BEGAIN: variants seen among roughly 807,000 people sequenced by gnomAD.
BEGAIN encodes brain enriched guanylate kinase associated.
In BEGAIN, 19 loss-of-function variants were observed where a neutral mutation model predicts 35.8. The observed-to-expected ratio is 0.53, with a 90% confidence interval of 0.37 to 0.78. BEGAIN has a LOEUF of 0.78. Ranked by LOEUF, BEGAIN falls within the 30% of genes least tolerant of loss-of-function variation. The pLI is 0.00. For missense variants in BEGAIN, 795 were observed against 853.6 expected (o/e 0.93, Z 0.85); for synonymous variants, 462 against 388.6 (o/e 1.19, Z -2.22).
At chr14:100,542,800 G>A (rs541083881) in intron 5 of BEGAIN, among the ~76,000 whole-genome samples, 17 of 152,252 alleles carry the variant, frequency 1.1e-4, no homozygotes, top group East Asian at 3.9e-4. Context: ...TCCTGTCCTC[G>A]TCCCTACAGC....
In BEGAIN at chr14:100,540,722, C is replaced by T. The variant is rs7146140; in HGVS notation, c.409-143G>A. The T allele has an allele frequency of 6.7e-4, 419 of 624,938 alleles. 4 individuals are homozygous for T. Among genetic ancestry groups the T allele is most frequent in the African/African-American group, 6.5e-3 (357 of 54,648 alleles). 38.7% of individuals were successfully genotyped at this position (624,938 alleles called of 1,614,324 possible). A position where few individuals can be genotyped will look rare whatever the true frequency, so the allele number is the denominator to read the frequency against. ...CAGGACAAGGACCCACTGCTGGCTCCGGCCCTCTCTGGCCTCCACACTCTT... is the reference window on the plus strand; with the variant it reads ...CAGGACAAGGACCCACTGCTGGCTCTGGCCCTCTCTGGCCTCCACACTCTT... On this transcript the variant is annotated intron_variant, in intron 5 of 6. Coordinates refer to ENST00000554140, the MANE Select transcript of BEGAIN (RefSeq NM_001385089.1).
At chr14:100,575,956 G>A (rs2035193136) in intron 1 of BEGAIN, among the ~76,000 whole-genome samples, 1 of 152,146 alleles carries the variant, frequency 6.6e-6, no homozygotes, top group South Asian at 2.1e-4. Context: ...CGTGGTAAGT[G>A]GAGCCAAGAG....
Position 100,538,619 on chromosome 14 carries a change from C to CGGCCGG in BEGAIN, c.1183_1188dup (p.Pro395_Ala396dup), listed in dbSNP as rs746600322. 1.4e-4 allele frequency: 224 copies of CGGCCGG among 1,547,906 alleles called. No homozygotes were observed. The highest frequency in any genetic ancestry group is 1.8e-4 in the Non-Finnish European group (210 of 1,145,542). On this transcript the variant is annotated inframe_insertion, in exon 7 of 7. Transcript: ENST00000554140. ...GGAGAGGCCGGGAAGCGGAAGGTCT[C>CGGCCGG]GGCCGGGTACGGTGACATGGTCCGC...
At chr14:100,578,314 C>T (rs956097443) in intron 1 of BEGAIN, among the ~76,000 whole-genome samples, 21 of 152,352 alleles carry the variant, frequency 1.4e-4, no homozygotes, top group African/African-American at 3.6e-4. Flanking sequence ...CTGCCAGGTG[C>T]GGTGCAGGGT....
At position 100,555,443 on chromosome 14, in the gene BEGAIN, G is replaced by A. The variant is rs371947026; in HGVS notation, c.72-8781C>T. ...CTGTCCTTTGTGTGGCCTGGAAGCC[G>A]ACAGCAGACCACTTCCAACAGAAGG... is the stretch of plus-strand genomic sequence containing the variant. On this transcript the variant is annotated intron_variant, in intron 2 of 6. Transcript: ENST00000554140. Among the ~76,000 whole-genome samples, 80 of 152,336 alleles carry A rather than the reference G, an allele frequency of 5.3e-4. 1 individual carries two copies. Among genetic ancestry groups the A allele is most frequent in the Admixed American group, 1.8e-3 (27 of 15,306 alleles).
intron 2 of BEGAIN, among the ~76,000 whole-genome samples, chr14:100,557,434 G>A (rs2033853239): frequency 6.6e-6 from 1 of 152,202 alleles, no homozygotes; most frequent in Non-Finnish European, 1.5e-5. Flanking sequence ...TGTGATGCCC[G>A]ATGTGCTCCA....
intron 1 of BEGAIN, among the ~76,000 whole-genome samples, chr14:100,571,224 C>G (rs1183496960): frequency 6.6e-6 from 1 of 152,222 alleles, no homozygotes; most frequent in Non-Finnish European, 1.5e-5. Flanking sequence ...CCACCTTTAT[C>G]TTCTGACCCC....
intron 4 of BEGAIN, 33 bp downstream of exon 4, chr14:100,544,967 G>T (rs777278140): frequency 1.2e-6 from 2 of 1,601,732 alleles, no homozygotes; most frequent in Non-Finnish European, 1.7e-6. Flanking sequence ...GGAGGTGTGG[G>T]GTGGGGGAGT....
At position 100,543,982 on chromosome 14, in the gene BEGAIN, GGGA is replaced by G. The variant is rs767436637; in HGVS notation, c.301-20_301-18del. 1 of 1,586,160 alleles carries G rather than the reference GGGA, an allele frequency of 6.3e-7. No individual in the cohort carries two copies. The highest frequency in any genetic ancestry group is 1.1e-5 in the South Asian group (1 of 87,986). ...GTGCTGGCCCTGGGGGTGGGACAGT[GGGA>G]GGAGGAGGCCCGTGGTTGGCTCCTG... On this transcript the variant is annotated intron_variant, in intron 4 of 6. Coordinates refer to ENST00000554140, the MANE Select transcript of BEGAIN (RefSeq NM_001385089.1).
intron 1 of BEGAIN, among the ~76,000 whole-genome samples, chr14:100,576,841 G>A (rs1041486524): frequency 1.3e-5 from 2 of 152,166 alleles, no homozygotes; most frequent in Admixed American, 6.5e-5. Flanking sequence ...GTGTGGACGG[G>A]GTACGAGGAA....
chr14:100,544,756 C>T (rs2032141775), intron 4 of BEGAIN, among the ~76,000 whole-genome samples: 3 of 152,166 alleles, frequency 2.0e-5, no homozygotes, highest in Non-Finnish European at 4.4e-5. Context: ...CGTCCACAGC[C>T]CCTCTTACAC....
chr14:100,548,459 G>C (rs1302889326), intron 2 of BEGAIN: 2 of 152,410 alleles, frequency 1.3e-5, no homozygotes, highest in Admixed American at 6.5e-5. Context: ...AGGTGAGGGC[G>C]TCATCCATCC....
intron 4 of BEGAIN, among the ~76,000 whole-genome samples, chr14:100,544,549 G>C (rs2032104418): frequency 6.6e-6 from 1 of 152,186 alleles, no homozygotes; most frequent in African/African-American, 2.4e-5. Flanking sequence ...TGTTCACAGA[G>C]AAAATGGCGA....
In BEGAIN at chr14:100,538,445, C is replaced by T; in HGVS notation, c.1363G>A (p.Ala455Thr). Reference protein sequence around the residue: ...IGAYSYPVSAAGRASPCSFSE... With the variant: ...IGAYSYPVSATGRASPCSFSE... ...AAGCTGCAGGGTGAGGCGCGGCCGGCAGCGCTCACGGGGTAGGAGTAGGCG... is the reference window on the plus strand; with the variant it reads ...AAGCTGCAGGGTGAGGCGCGGCCGGTAGCGCTCACGGGGTAGGAGTAGGCG... The change falls in exon 7 of 7, where the codon GCC (alanine) becomes ACC (threonine). Residue 455 changes from alanine (A) to threonine (T), a missense_variant. By Grantham distance (58) the Ala-to-Thr change is moderately conservative. Around this residue, in one of 3 missense-constraint regions of BEGAIN, gnomAD observed 664 missense variants for 647.7 expected, o/e 1.03. Transcript: ENST00000554140. 1 of 1,588,930 alleles carries T rather than the reference C, an allele frequency of 6.3e-7. No homozygotes were observed. The highest frequency in any genetic ancestry group is 8.5e-7 in the Non-Finnish European group (1 of 1,169,656).
chr14:100,543,831 C>G, intron 5 of BEGAIN, 27 bp downstream of exon 5: 1 of 1,587,500 alleles, frequency 6.3e-7, no homozygotes, highest in Non-Finnish European at 8.6e-7. Flanking sequence ...GGCAGTCTTC[C>G]ATGGGCCAAG....
chr14:100,585,631 G>T (rs2035428540), intron 1 of BEGAIN, among the ~76,000 whole-genome samples: 2 of 151,816 alleles, frequency 1.3e-5, no homozygotes, highest in Admixed American at 1.3e-4. Context: ...AGTCTTGGGA[G>T]AGTGGATGGA....
Position 100,577,648 on chromosome 14 carries a change from C to A in BEGAIN, c.42+9601G>T, listed in dbSNP as rs375782645. The stretch of plus-strand genomic sequence containing the variant: ...GAAGGGCAGTCTGGCCTCCCGCCAG[C>A]GGCCCAGGCGTGCGAGGGAGCCAGT... On this transcript the variant is annotated intron_variant, in intron 1 of 6. Coordinates refer to ENST00000554140, the MANE Select transcript of BEGAIN (RefSeq NM_001385089.1). 4 of 398,978 alleles carry A rather than the reference C, an allele frequency of 1.0e-5. No individual in the cohort carries two copies. The East Asian group carries it at 1.4e-4, about 14-fold the overall frequency. The allele number at this position is 398,978 out of a possible 1,614,324, so 24.7% of individuals were successfully genotyped here.
intron 2 of BEGAIN, among the ~76,000 whole-genome samples, chr14:100,557,290 C>T (rs975775897): frequency 1.3e-4 from 20 of 152,250 alleles, no homozygotes; most frequent in African/African-American, 4.8e-4. Flanking sequence ...GGCATCGGGG[C>T]AGGGAATGTG....
chr14:100,576,057 T>C (rs886076268), intron 1 of BEGAIN, among the ~76,000 whole-genome samples: 2 of 152,106 alleles, frequency 1.3e-5, no homozygotes, highest in African/African-American at 4.8e-5. Flanking sequence ...TGACTGACTT[T>C]TCACTGCTGG....
Sources: gnomAD v4.1 joint callset for allele counts (sites outside exome capture counted in the v4.1 genomes callset) on GRCh38, gnomAD v4.1.1 for gene constraint, gnomAD v4.1.1 regional missense constraint, MANE v1.5 for transcripts, NCBI Gene and HGNC (gene_info 2026-07-23, HGNC 2026-07-21) for gene names.